Variants in ENTREP2 observed in about 807,000 individuals in gnomAD.
ENTREP2 encodes the protein endosomal transmembrane epsin interactor 2.
the ENTREP2 span, among the ~76,000 whole-genome samples, chr15:29,526,637 A>T: frequency 1.3e-5 from 2 of 151,640 alleles, no homozygotes; most frequent in African/African-American, 4.9e-5. Context: ...ACTATAAAAA[A>T]ATTTTTTTTT....
At chr15:29,400,199 G>A in the ENTREP2 span, among the ~76,000 whole-genome samples, 3 of 152,320 alleles carry the variant, frequency 2.0e-5, no homozygotes, top group South Asian at 2.1e-4. Flanking sequence ...GATGGGCAGG[G>A]TTAGGACACA....
the ENTREP2 span, among the ~76,000 whole-genome samples, chr15:29,283,357 T>G: frequency 6.6e-6 from 1 of 151,286 alleles, no homozygotes; most frequent in Non-Finnish European, 1.5e-5. Context: ...TCTCTTCTTC[T>G]TTTTTTTTGG....
At chr15:29,624,901 GTGTGTGTA>G in the ENTREP2 span, among the ~76,000 whole-genome samples, 17 of 151,248 alleles carry the variant, frequency 1.1e-4, no homozygotes, top group African/African-American at 4.2e-4. Flanking sequence ...GTGTGTGTGT[GTGTGTGTA>G]TAGTTTTATG....
chr15:29,177,410 T>C, the ENTREP2 span, among the ~76,000 whole-genome samples: 2 of 152,270 alleles, frequency 1.3e-5, no homozygotes, highest in South Asian at 4.1e-4. Context: ...AATATATTGG[T>C]GGTTGTTTTC....
At chr15:29,386,785 C>T in the ENTREP2 span, among the ~76,000 whole-genome samples, 1 of 152,132 alleles carries the variant, frequency 6.6e-6, no homozygotes, top group African/African-American at 2.4e-5. Flanking sequence ...ATGAGGCAGA[C>T]CATTCAGAGT....
At chr15:29,494,507 C>G in the ENTREP2 span, among the ~76,000 whole-genome samples, 1 of 152,190 alleles carries the variant, frequency 6.6e-6, no homozygotes, top group Non-Finnish European at 1.5e-5. Context: ...CACATAGTTA[C>G]CATTTTTATC....
chr15:29,184,088 G>C, the ENTREP2 span, among the ~76,000 whole-genome samples: 2 of 152,110 alleles, frequency 1.3e-5, no homozygotes, highest in Non-Finnish European at 2.9e-5. Flanking sequence ...AGGCTCAAGT[G>C]ATTCTCCTGC....
chr15:29,207,337 T>C, the ENTREP2 span, among the ~76,000 whole-genome samples: 1 of 151,794 alleles, frequency 6.6e-6, no homozygotes, highest in Non-Finnish European at 1.5e-5. Flanking sequence ...CCAGCGAGTG[T>C]TACAGCTCTT....
At chr15:29,167,032 G>A in the ENTREP2 span, among the ~76,000 whole-genome samples, 7 of 152,004 alleles carry the variant, frequency 4.6e-5, no homozygotes, top group Non-Finnish European at 8.8e-5. Context: ...AAAGCCAACC[G>A]ATCTTTGACA....
At chr15:29,651,765 C>T in the ENTREP2 span, among the ~76,000 whole-genome samples, 2 of 152,248 alleles carry the variant, frequency 1.3e-5, no homozygotes, top group African/African-American at 4.8e-5. Context: ...CAGCCCCCTA[C>T]AGGCTTTGGG....
the ENTREP2 span, among the ~76,000 whole-genome samples, chr15:29,200,039 C>G: frequency 6.6e-6 from 1 of 152,202 alleles, no homozygotes; most frequent in Non-Finnish European, 1.5e-5. Flanking sequence ...TTGTGTGTCT[C>G]TATCTGGATT....
At chr15:29,476,776 A>T in the ENTREP2 span, among the ~76,000 whole-genome samples, 1 of 152,198 alleles carries the variant, frequency 6.6e-6, no homozygotes, top group Non-Finnish European at 1.5e-5. Context: ...AGAAACACCA[A>T]GTGCCAGCAA....
the ENTREP2 span, among the ~76,000 whole-genome samples, chr15:29,207,455 C>CGGGGGGGGGGGGGG: frequency 1.6e-5 from 2 of 123,080 alleles, no homozygotes. Context: ...GGTTGGGGGG[C>CGGGGGGGGGGGGGG]GGGGGGGGTG....
the ENTREP2 span, among the ~76,000 whole-genome samples, chr15:29,292,683 G>C: frequency 6.6e-6 from 1 of 152,108 alleles, no homozygotes; most frequent in Non-Finnish European, 1.5e-5. Context: ...GCCCAGCAAT[G>C]CGTTTTCATA....
At chr15:29,217,093 C>A in the ENTREP2 span, among the ~76,000 whole-genome samples, 2 of 152,188 alleles carry the variant, frequency 1.3e-5, no homozygotes, top group African/African-American at 2.4e-5. Flanking sequence ...GTAAACAGTT[C>A]TAGGTGCAGG....
At chr15:29,405,036 C>A in the ENTREP2 span, among the ~76,000 whole-genome samples, 1 of 152,202 alleles carries the variant, frequency 6.6e-6, no homozygotes, top group South Asian at 2.1e-4. Context: ...CAAAGCCCTC[C>A]CTGCCTGGAC....
the ENTREP2 span, among the ~76,000 whole-genome samples, chr15:29,384,256 T>C: frequency 2.6e-5 from 4 of 152,126 alleles, no homozygotes; most frequent in East Asian, 3.9e-4. Context: ...TTTCTTCTTT[T>C]TGTGAATTCA....
chr15:29,456,988 A>G, the ENTREP2 span, among the ~76,000 whole-genome samples: 2 of 152,206 alleles, frequency 1.3e-5, no homozygotes, highest in African/African-American at 2.4e-5. Flanking sequence ...TGAGCAAACA[A>G]TGTGTGTTTT....
the ENTREP2 span, among the ~76,000 whole-genome samples, chr15:29,497,219 T>C: frequency 6.6e-6 from 1 of 152,228 alleles, no homozygotes; most frequent in Non-Finnish European, 1.5e-5. Flanking sequence ...TCTCCAAAAC[T>C]GTAAGAAATT....
Sources: gnomAD v4.1 joint callset for allele counts (sites outside exome capture counted in the v4.1 genomes callset) on GRCh38, gnomAD v4.1.1 for gene constraint, MANE v1.5 for transcripts, NCBI Gene and HGNC (gene_info 2026-07-23, HGNC 2026-07-21) for gene names.